Variants in JARID2 observed in about 807,000 individuals in gnomAD.
JARID2 encodes the protein protein Jumonji.
Under a neutral mutation model 125.6 loss-of-function variants are expected in JARID2, and 21 were observed. The observed-to-expected ratio is 0.17, with a 90% CI of 0.12 to 0.24. The LOEUF (loss-of-function observed/expected upper bound fraction) is 0.24. Among genes scored for constraint, JARID2 ranks in the 10% least tolerant of loss-of-function variants. The probability of loss-of-function intolerance (pLI) is 1.00; values close to 1 mark genes in which losing one functional copy is unlikely to be tolerated. For synonymous variants in JARID2, 736 were observed against 661.6 expected, an observed-to-expected ratio of 1.11 and a Z score of -1.73; for missense variants, 1,303 against 1,639.6, an observed-to-expected ratio of 0.79 and a Z score of 3.55.
intron 1 of JARID2, among the ~76,000 whole-genome samples, chr6:15,343,562 G>T (rs890562936): frequency 2.0e-5 from 3 of 152,132 alleles, no homozygotes; most frequent in African/African-American, 7.2e-5. Flanking sequence ...AGGCTATTGT[G>T]CAGTCAAAGA....
rs2127717368 is a variant in JARID2, at chr6:15,487,360, A to G, written c.724A>G (p.Lys242Glu). Residue 242 changes from lysine (K) to glutamate (E), a missense_variant, in exon 6 of 18, where the codon AAA becomes GAA. Coordinates refer to ENST00000341776, the MANE Select transcript of JARID2 (RefSeq NM_004973.4). ...GGAGAAGGAACCTGTTCAAAAACAC[A>G]AAAGCAAAGAGGCCACTCCCGCAAA... is the stretch of plus-strand genomic sequence containing the variant. ...TREKEPVQKH[K>E]SKEATPAKEK... 2 of 1,614,226 alleles carry G rather than the reference A, an allele frequency of 1.2e-6. No individual in the cohort carries two copies. Among genetic ancestry groups the G allele is most frequent in the East Asian group, 4.5e-5 (2 of 44,882 alleles).
chr6:15,286,160 A>T (rs1341576901), intron 1 of JARID2, among the ~76,000 whole-genome samples: 2 of 152,196 alleles, frequency 1.3e-5, no homozygotes, highest in African/African-American at 4.8e-5. Context: ...TAAGTTAACA[A>T]GTACAAACAA....
intron 9 of JARID2, among the ~76,000 whole-genome samples, chr6:15,506,385 T>G (rs1311135933): frequency 6.6e-6 from 1 of 152,232 alleles, no homozygotes; most frequent in African/African-American, 2.4e-5. Flanking sequence ...GTCGGCCCCC[T>G]CTTTGTGGAA....
chr6:15,260,686 G>C (rs1418351528), intron 1 of JARID2, among the ~76,000 whole-genome samples: 1 of 152,180 alleles, frequency 6.6e-6, no homozygotes, highest in South Asian at 2.1e-4. Flanking sequence ...AATACTGCAC[G>C]CTCTTCTGTA....
rs568346117 is a variant in JARID2, at chr6:15,427,597, TTTGTCTCATCCCTTTGCCC to T, written c.323+17234_323+17252del. On this transcript the variant is annotated intron_variant, in intron 3 of 17. Coordinates refer to ENST00000341776, the MANE Select transcript of JARID2 (RefSeq NM_004973.4). ...TGCTAGGCTTTTAAACAGTAACATT[TTTGTCTCATCCCTTTGCCC>T]TCCTTGCCTTTTCACACCCCCAAAG... 7.2e-5 allele frequency among the ~76,000 whole-genome samples: 11 copies of T among 152,168 alleles called. No homozygotes were observed. The South Asian group carries it at 2.3e-3, about 32-fold the overall frequency.
Position 15,374,160 on chromosome 6 carries a change from G to A in JARID2, c.89G>A (p.Arg30His), listed in dbSNP as rs779332045. 3.1e-6 allele frequency: 5 copies of A among 1,613,964 alleles called. No individual in the cohort carries two copies. The highest frequency in any genetic ancestry group is 1.7e-5 in the Admixed American group (1 of 60,010). ...CCGTGGTCAGAAGAACGGGTGGTACGTAAAGTCCTTTATTTGTCTCTGAAG... is the reference window on the plus strand; with the variant it reads ...CCGTGGTCAGAAGAACGGGTGGTACATAAAGTCCTTTATTTGTCTCTGAAG... ...GIPWSEERVVRKVLYLSLKEF... is the reference protein window; with the variant it reads ...GIPWSEERVVHKVLYLSLKEF... Residue 30 changes from arginine to histidine, a missense_variant, in exon 2 of 18, where the codon CGT (arginine) becomes CAT (histidine). Transcript: ENST00000341776.
At chr6:15,372,369 A>G (rs1372258329) in intron 1 of JARID2, among the ~76,000 whole-genome samples, 5 of 151,508 alleles carry the variant, frequency 3.3e-5, no homozygotes, top group African/African-American at 1.2e-4. Flanking sequence ...TATTATTATT[A>G]TTATTTTTAG....
intron 2 of JARID2, among the ~76,000 whole-genome samples, chr6:15,408,089 C>T (rs1432512193): frequency 6.6e-6 from 1 of 152,020 alleles, no homozygotes; most frequent in Non-Finnish European, 1.5e-5. Flanking sequence ...CATGGCGAAA[C>T]CCCATCTCTA....
chr6:15,514,281 A>G (rs1771437970), intron 16 of JARID2, among the ~76,000 whole-genome samples: 1 of 152,186 alleles, frequency 6.6e-6, no homozygotes, highest in African/African-American at 2.4e-5. Flanking sequence ...GCTCCACAGC[A>G]CTACACACCT....
At chr6:15,417,509 C>T (rs1451510184) in intron 3 of JARID2, among the ~76,000 whole-genome samples, 3 of 152,098 alleles carry the variant, frequency 2.0e-5, no homozygotes, top group Admixed American at 6.5e-5. Context: ...AGGCTGAGGC[C>T]GGCCGGCCAC....
chr6:15,265,489 A>C (rs1293121383), intron 1 of JARID2, among the ~76,000 whole-genome samples: 2 of 152,038 alleles, frequency 1.3e-5, no homozygotes, highest in African/African-American at 4.8e-5. Context: ...TGGGATTTCA[A>C]ATATCTGTGC....
chr6:15,444,025 C>T (rs1767557797), intron 3 of JARID2, among the ~76,000 whole-genome samples: 1 of 152,166 alleles, frequency 6.6e-6, no homozygotes. Context: ...ACAAGTGCTG[C>T]AAATATTTAA....
chr6:15,286,725 G>A (rs201762591), intron 1 of JARID2, among the ~76,000 whole-genome samples: 1 of 151,890 alleles, frequency 6.6e-6, no homozygotes, highest in Non-Finnish European at 1.5e-5. Context: ...AGCTGGGTGT[G>A]GTGGCAGGCG....
chr6:15,477,051 AAG>A (rs372068540), intron 5 of JARID2, among the ~76,000 whole-genome samples: 107 of 152,276 alleles, frequency 7.0e-4, no homozygotes, highest in African/African-American at 2.5e-3. Flanking sequence ...CGGAAGGAAG[AAG>A]AGTGGCTGTT....
chr6:15,469,302 C>T (rs1050583380), intron 5 of JARID2, among the ~76,000 whole-genome samples: 1 of 37,150 alleles, frequency 2.7e-5, no homozygotes, highest in Non-Finnish European at 5.5e-5. Context: ...CTCTCTGTCT[C>T]TGTCTCTCTC....
chr6:15,511,022 C>T (rs542143103), intron 12 of JARID2, among the ~76,000 whole-genome samples: 4 of 152,334 alleles, frequency 2.6e-5, no homozygotes, highest in African/African-American at 9.6e-5. Context: ...GGCTTTTTGG[C>T]TCACCAGGTG....
intron 4 of JARID2, among the ~76,000 whole-genome samples, chr6:15,454,649 T>G (rs1768074425): frequency 6.6e-6 from 1 of 151,808 alleles, no homozygotes; most frequent in African/African-American, 2.4e-5. Flanking sequence ...AGCAATTTTT[T>G]TTTTTTTTTT....
intron 2 of JARID2, among the ~76,000 whole-genome samples, chr6:15,401,718 C>T (rs1765443107): frequency 1.3e-5 from 2 of 152,246 alleles, no homozygotes; most frequent in South Asian, 4.1e-4. Context: ...GTATTACTGT[C>T]TGTAAACACA....
intron 1 of JARID2, among the ~76,000 whole-genome samples, chr6:15,291,572 C>T (rs577739459): frequency 6.0e-4 from 92 of 152,316 alleles, no homozygotes; most frequent in Non-Finnish European, 1.0e-3. Flanking sequence ...AGGGATGCTG[C>T]AGGGATCCTG....
Sources: gnomAD v4.1 joint callset for allele counts (sites outside exome capture counted in the v4.1 genomes callset) on GRCh38, gnomAD v4.1.1 for gene constraint, MANE v1.5 for transcripts, NCBI Gene and HGNC (gene_info 2026-07-23, HGNC 2026-07-21) for gene names.